Variants in HSPG2 observed in about 807,000 individuals in gnomAD.
HSPG2 encodes the protein basement membrane-specific heparan sulfate proteoglycan core protein.
A neutral mutation model predicts 526.6 loss-of-function variants in HSPG2; 278 were observed. That is an observed-to-expected ratio of 0.53 (90% confidence interval 0.48 to 0.58). The LOEUF (loss-of-function observed/expected upper bound fraction) is 0.58, where lower values mean the gene tolerates loss of function less well. HSPG2 is among the 20% of genes least tolerant of loss of function. HSPG2 has a pLI of 0.00. For missense variants in HSPG2, 5,354 were observed against 6,099.5 expected (o/e 0.88, Z 4.07); for synonymous variants, 2,465 against 2,555.4 (o/e 0.96, Z 1.07).
intron 6 of HSPG2, chr1:21,888,820 T>C (rs554874612): frequency 1.6e-5 from 13 of 807,436 alleles, no homozygotes; most frequent in East Asian, 5.9e-5. Context: ...GGAGGACTTA[T>C]TGAAAAGTGA....
chr1:21,862,569 G>A (rs1338800894), intron 37 of HSPG2, among the ~76,000 whole-genome samples: 1 of 111,572 alleles, frequency 9.0e-6, no homozygotes, highest in Non-Finnish European at 1.7e-5. Context: ...GGGCAACAGA[G>A]CGAGACTCCA....
Position 21,874,969 on chromosome 1 carries a change from G to A in HSPG2, c.3336C>T (p.Pro1112=), listed in dbSNP as rs2228348. Residue 1112 remains proline, a synonymous_variant, in exon 26 of 97, where the codon CCC becomes CCT. Transcript: ENST00000374695. ...VSGISMDVAV[P]EETGQDPALE... is the part of the protein sequence containing the mutation. ...GCGCGGGGTCCTGGCCGGTTTCCTC[G>A]GGCACAGCCACGTCCATGCTGATGC... 5.7e-4 allele frequency: 911 copies of A among 1,609,424 alleles called. 7 individuals carry two copies. The African/African-American group carries it at 0.011, about 19-fold the overall frequency.
Position 21,873,042 on chromosome 1 carries a change from G to A in HSPG2, c.3843C>T (p.Gly1281=), listed in dbSNP as rs1217082406. 1.0e-5 allele frequency: 16 copies of A among 1,605,778 alleles called. No individual in the cohort carries two copies. In the African/African-American group the frequency reaches 1.2e-4, roughly 12 times the overall value. The change falls in exon 31 of 97, where the codon GGC becomes GGT. Residue 1281 remains glycine, a synonymous_variant. Coordinates refer to ENST00000374695, the MANE Select transcript of HSPG2 (RefSeq NM_005529.7). ...CAGCATCACACTGGCTGCTGACGCT[G>A]CCTTGGGGGTCACAGTTGCAGCCTA... ...GPIGCNCDPQ[G]SVSSQCDAAG...
chr1:21,869,447 T>C, intron 33 of HSPG2: 1 of 986,088 alleles, frequency 1.0e-6, no homozygotes, highest in Non-Finnish European at 1.2e-6. Context: ...GATCCCTTGA[T>C]GGGCACCTTG....
intron 9 of HSPG2, among the ~76,000 whole-genome samples, chr1:21,886,114 C>T (rs548164750): frequency 5.7e-4 from 87 of 152,342 alleles, no homozygotes; most frequent in African/African-American, 1.9e-3. Context: ...AGGAGGTAGC[C>T]GTGGGCGCAG....
chr1:21,836,043 G>C (rs1390637986), intron 75 of HSPG2, among the ~76,000 whole-genome samples: 3 of 149,302 alleles, frequency 2.0e-5, no homozygotes, highest in Non-Finnish European at 4.4e-5. Context: ...AACTGATGTA[G>C]AACAGCACGC....
At chr1:21,856,564 C>T (rs561225970) in intron 44 of HSPG2, among the ~76,000 whole-genome samples, 56 of 151,984 alleles carry the variant, frequency 3.7e-4, no homozygotes, top group Non-Finnish European at 7.1e-4. Flanking sequence ...ATTATAGGCA[C>T]CTGCCACCAC....
intron 1 of HSPG2, among the ~76,000 whole-genome samples, chr1:21,927,427 T>A (rs1297550003): frequency 6.6e-6 from 1 of 151,782 alleles, no homozygotes; most frequent in East Asian, 1.9e-4. Flanking sequence ...TCCCACCAAG[T>A]AAGGACCAAC....
intron 40 of HSPG2, 69 bp downstream of exon 40, chr1:21,860,108 G>A (rs1474887921): frequency 1.2e-6 from 2 of 1,604,654 alleles, no homozygotes; most frequent in Admixed American, 1.7e-5. Context: ...CCCAGACCCA[G>A]TATCCCCCAA....
At position 21,824,047 on chromosome 1, in the gene HSPG2, G is replaced by T; in HGVS notation, c.12899+74C>A. 1.5e-6 allele frequency: 2 copies of T among 1,360,624 alleles called. No homozygotes were observed. Among genetic ancestry groups the T allele is most frequent in the Non-Finnish European group, 2.1e-6 (2 of 968,156 alleles). The allele number at this position is 1,360,624 out of a possible 1,614,324, so 84.3% of individuals were successfully genotyped here. ...CACAGAGCTCAATACCTGCCTCTCT[G>T]CCCATGGTAGGGGGCGTCCTGCCCC... On this transcript the variant is annotated intron_variant, in intron 95 of 96. Coordinates refer to ENST00000374695, the MANE Select transcript of HSPG2 (RefSeq NM_005529.7). The surrounding 1 kb of genome is among the most constrained non-coding windows in gnomAD (Gnocchi z 5.9).
chr1:21,929,930 T>G (rs1644306027), intron 1 of HSPG2, among the ~76,000 whole-genome samples: 1 of 152,164 alleles, frequency 6.6e-6, no homozygotes, highest in Non-Finnish European at 1.5e-5. Flanking sequence ...GCCTTTGCTC[T>G]GGACCCTCCC....
In HSPG2 at chr1:21,858,850, T is replaced by C; in HGVS notation, c.5293+716A>G. Among the ~76,000 whole-genome samples the C allele has an allele frequency of 6.6e-6, 1 of 152,210 alleles. No homozygotes were observed. Among genetic ancestry groups the C allele is most frequent in the South Asian group, 2.1e-4 (1 of 4,834 alleles). ...CTGACAGAAGCTGGCCTAGACATAC[T>C]GCAGCTCCTTGGACCCCAGGGCAGG... On this transcript the variant is annotated intron_variant, in intron 42 of 96. Transcript: ENST00000374695. This position sits in a 1 kb window ranked among gnomAD's most constrained non-coding sequence, Gnocchi z 4.2.
chr1:21,874,715 G>A lies in HSPG2; in HGVS notation c.3429C>T (p.Gly1143=). 6.2e-7 allele frequency: 1 copy of A among 1,604,798 alleles called. No individual in the cohort carries two copies. The change falls in exon 27 of 97, where the codon GGC becomes GGT. Residue 1143 remains glycine, a synonymous_variant. Coordinates refer to ENST00000374695, the MANE Select transcript of HSPG2 (RefSeq NM_005529.7). ...RGPSCQDCDT[G]YTRTPSGLYL... ...AGAGGCCACTGGGCGTGCGTGTGTA[G>A]CCTGTGTCACAGTCCTGGGGGCAGA...
chr1:21,855,943 A>G (rs1557727824), intron 44 of HSPG2, 31 bp from the exon 45 acceptor site: 3 of 1,602,264 alleles, frequency 1.9e-6, no homozygotes, highest in South Asian at 1.1e-5. Context: ...ACATGCACTC[A>G]GGGTGGGGAG....
intron 1 of HSPG2, among the ~76,000 whole-genome samples, chr1:21,922,246 C>T (rs553785531): frequency 6.6e-6 from 1 of 152,312 alleles, no homozygotes; most frequent in East Asian, 1.9e-4. Context: ...AACTCACCCG[C>T]CCAGGGTCAC....
chr1:21,913,910 G>A (rs1422538401), intron 1 of HSPG2, among the ~76,000 whole-genome samples: 1 of 152,186 alleles, frequency 6.6e-6, no homozygotes, highest in East Asian at 1.9e-4. Flanking sequence ...GGGTGGCTCT[G>A]GGTAAGGCAC....
rs780718818 is a variant in HSPG2 at position 21,839,320 on chromosome 1, G to A, written c.9889+51C>T. 4 of 1,584,922 alleles carry A rather than the reference G, an allele frequency of 2.5e-6. No homozygotes were observed. Among genetic ancestry groups the A allele is most frequent in the African/African-American group, 2.7e-5 (2 of 74,476 alleles). ...GTTCTGTGTGGGGTGGAGCCTAGTC[G>A]GGGGGCTCAGATCTCCATTTGGTGC... On this transcript the variant is annotated intron_variant, in intron 73 of 96. Transcript: ENST00000374695. The surrounding 1 kb of genome is among the most constrained non-coding windows in gnomAD (Gnocchi z 4.5).
In HSPG2 at chr1:21,848,986, A is replaced by C; in HGVS notation, c.7492T>G (p.Ser2498Ala). The change falls in exon 58 of 97, where the codon TCA becomes GCA. Residue 2498 changes from serine to alanine, a missense_variant. Transcript: ENST00000374695. The surrounding 1 kb of genome is among the most constrained non-coding windows in gnomAD (Gnocchi z 4.9). Reference protein sequence around the residue: ...LRLLQVTPADSGEYVCRVVGS... With the variant: ...LRLLQVTPADAGEYVCRVVGS... Reference sequence around the variant, plus strand: ...ACCACACGGCACACGTACTCCCCTGAATCAGCTGGGGTCACCTGGAGCAGG... The same window carrying C: ...ACCACACGGCACACGTACTCCCCTGCATCAGCTGGGGTCACCTGGAGCAGG... 2 of 1,614,002 alleles carry C rather than the reference A, an allele frequency of 1.2e-6. No individual in the cohort carries two copies. The highest frequency in any genetic ancestry group is 2.2e-5 in the East Asian group (1 of 44,868).
chr1:21,869,867 T>C (rs895902206), intron 33 of HSPG2, among the ~76,000 whole-genome samples: 1 of 152,212 alleles, frequency 6.6e-6, no homozygotes, highest in Non-Finnish European at 1.5e-5. Context: ...GGGATGGGTT[T>C]GGCTGCCTAT....
Sources: allele counts gnomAD v4.1 joint callset (sites outside exome capture counted in the v4.1 genomes callset), GRCh38; gene constraint gnomAD v4.1.1; non-coding constraint Gnocchi (gnomAD v3.1); transcripts MANE v1.5; gene names NCBI Gene and HGNC (gene_info 2026-07-23, HGNC 2026-07-21).